EFCAB11: variants seen among roughly 807,000 people sequenced by gnomAD.
EFCAB11 encodes the protein EF-hand calcium-binding domain-containing protein 11.
In EFCAB11, 14 loss-of-function variants were observed where a neutral mutation model predicts 23.0. That is an observed-to-expected ratio of 0.61 (90% confidence interval 0.40 to 0.95). The LOEUF (loss-of-function observed/expected upper bound fraction) is 0.95. EFCAB11 is among the 40% of genes least tolerant of loss of function. The probability of loss-of-function intolerance (pLI) is 0.00; values close to 1 mark genes in which losing one functional copy is unlikely to be tolerated. For missense variants in EFCAB11, 198 were observed against 195.8 expected, an observed-to-expected ratio of 1.01 and a Z score of -0.07; for synonymous variants, 65 against 66.6, an observed-to-expected ratio of 0.98 and a Z score of 0.11.
Position 89,807,403 on chromosome 14 carries a change from G to A in EFCAB11, c.411-10079C>T, listed in dbSNP as rs182093972. 2.4e-3 allele frequency among the ~76,000 whole-genome samples: 358 copies of A among 152,270 alleles called. 2 individuals carry two copies. Among genetic ancestry groups the A allele is most frequent in the African/African-American group, 8.2e-3 (341 of 41,554 alleles). On this transcript the variant is annotated intron_variant, in intron 5 of 5. Coordinates refer to ENST00000316738, the MANE Select transcript of EFCAB11 (RefSeq NM_145231.4). ...TCTCCTTGACTGGAGGTTTAGGAAT[G>A]AGCTGAACTTTCAAGTGTAATGTAG...
chr14:89,916,070 C>T (rs994179738), intron 5 of EFCAB11, among the ~76,000 whole-genome samples: 1 of 151,174 alleles, frequency 6.6e-6, no homozygotes, highest in African/African-American at 2.4e-5. Context: ...GATCTCTGCA[C>T]AGTGAATCAT....
rs71107570 is a variant in EFCAB11 at position 89,917,053 on chromosome 14, CGTGTGTGT to C, written c.410+14480_410+14487del. On this transcript the variant is annotated intron_variant, in intron 5 of 5. Coordinates refer to ENST00000316738, the MANE Select transcript of EFCAB11 (RefSeq NM_145231.4). ...AGCATATCCATCACCTGACATGCTT[CGTGTGTGT>C]GTGTGTGTGTGTGTGTGTGTGTGTG... Among the ~76,000 whole-genome samples, 1,216 of 136,676 alleles carry C rather than the reference CGTGTGTGT, an allele frequency of 8.9e-3. 10 individuals are homozygous for C. Among genetic ancestry groups the C allele is most frequent in the African/African-American group, 0.025 (840 of 33,950 alleles). The allele number at this position is 136,676 out of a possible 152,430, so 89.7% of individuals were successfully genotyped here.
At chr14:89,801,059 A>AAAAAAAAAAAAAAAAAAAAAG (rs1555369622) in intron 5 of EFCAB11, among the ~76,000 whole-genome samples, 1 of 138,782 alleles carries the variant, frequency 7.2e-6, no homozygotes. Flanking sequence ...AAAAAAAAAA[A>AAAAAAAAAAAAAAAAAAAAAG]AGAAGTACTG....
chr14:89,835,701 C>T (rs1887058043), intron 5 of EFCAB11, among the ~76,000 whole-genome samples: 2 of 150,402 alleles, frequency 1.3e-5, no homozygotes, highest in South Asian at 2.1e-4. Context: ...GATCTCGGTT[C>T]ACTGCAACCT....
chr14:89,800,527 T>G (rs1885741755), intron 5 of EFCAB11, among the ~76,000 whole-genome samples: 1 of 152,206 alleles, frequency 6.6e-6, no homozygotes, highest in African/African-American at 2.4e-5. Flanking sequence ...GCAGCTCCCC[T>G]TTTACCAGAC....
chr14:89,836,544 C>T (rs761300946), intron 5 of EFCAB11: 1 of 456,608 alleles, frequency 2.2e-6, no homozygotes, highest in South Asian at 1.5e-5. Flanking sequence ...CCATGGGGAG[C>T]AGGGCTAGGG....
At chr14:89,935,209 A>G (rs1481686729) in intron 3 of EFCAB11, among the ~76,000 whole-genome samples, 1 of 152,080 alleles carries the variant, frequency 6.6e-6, no homozygotes, top group Non-Finnish European at 1.5e-5. Flanking sequence ...ATTTGGCCAC[A>G]TGTCTGCCTG....
At chr14:89,952,696 G>C (rs1355631300) in intron 2 of EFCAB11, 2 of 800,232 alleles carry the variant, frequency 2.5e-6, no homozygotes, top group Non-Finnish European at 3.0e-6. Flanking sequence ...ATAGGGCGGA[G>C]AGGCATGACA....
At chr14:89,931,360 G>T (rs948595670) in intron 5 of EFCAB11, 181 bp downstream of exon 5, 2 of 581,548 alleles carry the variant, frequency 3.4e-6, no homozygotes, top group Admixed American at 6.8e-5. Flanking sequence ...TCACTGTCAG[G>T]GGCATGGAAG....
intron 5 of EFCAB11, among the ~76,000 whole-genome samples, chr14:89,894,720 T>A (rs1889106536): frequency 1.3e-5 from 2 of 152,196 alleles, no homozygotes; most frequent in Admixed American, 6.5e-5. Flanking sequence ...ATAATTACTA[T>A]TTTCCACTGA....
intron 5 of EFCAB11, among the ~76,000 whole-genome samples, chr14:89,798,109 A>G (rs1369137888): frequency 2.0e-5 from 3 of 152,222 alleles, no homozygotes; most frequent in East Asian, 1.9e-4. Flanking sequence ...TAAAGCAAAG[A>G]CTGGCCCAAG....
At chr14:89,889,716 A>C (rs1888902408) in intron 5 of EFCAB11, among the ~76,000 whole-genome samples, 1 of 152,244 alleles carries the variant, frequency 6.6e-6, no homozygotes, top group Non-Finnish European at 1.5e-5. Context: ...TGCCAGACAG[A>C]GAATGCCAGT....
chr14:89,919,654 G>A (rs552348491), intron 5 of EFCAB11, among the ~76,000 whole-genome samples: 1 of 152,148 alleles, frequency 6.6e-6, no homozygotes, highest in Non-Finnish European at 1.5e-5. Context: ...GAGTAGGGGG[G>A]AGAGTAAAGG....
chr14:89,949,289 A>G (rs1891082322), intron 3 of EFCAB11, among the ~76,000 whole-genome samples: 1 of 152,170 alleles, frequency 6.6e-6, no homozygotes, highest in South Asian at 2.1e-4. Context: ...AAAAAAATAA[A>G]AACCACCAAA....
chr14:89,879,952 T>C (rs868480385), intron 5 of EFCAB11, among the ~76,000 whole-genome samples: 20 of 152,348 alleles, frequency 1.3e-4, no homozygotes, highest in Middle Eastern at 3.4e-3. Context: ...ACCTGTTCTA[T>C]CAAAAATGCC....
At chr14:89,901,894 T>C (rs1418936323) in intron 5 of EFCAB11, among the ~76,000 whole-genome samples, 1 of 152,102 alleles carries the variant, frequency 6.6e-6, no homozygotes, top group Admixed American at 6.5e-5. Flanking sequence ...TGTATAAGAT[T>C]TCAAATTTTC....
chr14:89,912,164 T>C (rs1320286929), intron 5 of EFCAB11, among the ~76,000 whole-genome samples: 1 of 152,146 alleles, frequency 6.6e-6, no homozygotes, highest in Admixed American at 6.6e-5. Context: ...GACTATGAAC[T>C]ATGTGGGTTA....
At position 89,946,733 on chromosome 14, in the gene EFCAB11, C is replaced by CTT. The variant is rs536677296; in HGVS notation, c.217+3362_217+3363dup. Among the ~76,000 whole-genome samples, 340 of 131,366 alleles carry CTT rather than the reference C, an allele frequency of 2.6e-3. 2 individuals carry two copies. Among genetic ancestry groups the CTT allele is most frequent in the African/African-American group, 9.1e-3 (327 of 35,798 alleles). 86.2% of individuals were successfully genotyped at this position (131,366 alleles called of 152,430 possible). A position where few individuals can be genotyped will look rare whatever the true frequency, so the allele number is the denominator to read the frequency against. On this transcript the variant is annotated intron_variant, in intron 3 of 5. Coordinates refer to ENST00000316738, the MANE Select transcript of EFCAB11 (RefSeq NM_145231.4). The stretch of plus-strand genomic sequence containing the variant: ...TACAGGCACGTGCCATCATGCCTGG[C>CTT]TTTTTTTTTTTTTTTGCTTTTTTGT...
chr14:89,810,801 T>C (rs921183864), intron 5 of EFCAB11, among the ~76,000 whole-genome samples: 2 of 150,668 alleles, frequency 1.3e-5, no homozygotes, highest in Non-Finnish European at 3.0e-5. Flanking sequence ...CAGTTACTCA[T>C]TCACCAGGCA....
Sources: gnomAD v4.1 joint callset for allele counts (sites outside exome capture counted in the v4.1 genomes callset) on GRCh38, gnomAD v4.1.1 for gene constraint, MANE v1.5 for transcripts, NCBI Gene and HGNC (gene_info 2026-07-23, HGNC 2026-07-21) for gene names.